The following ANKS1B variants were observed in gnomAD, a reference collection of about 807,000 sequenced individuals.
The protein encoded by ANKS1B is ankyrin repeat and sterile alpha motif domain-containing protein 1B.
Under a neutral mutation model 148.3 loss-of-function variants are expected in ANKS1B, and 36 were observed. The observed-to-expected ratio is 0.24, with a 90% CI of 0.19 to 0.32. The LOEUF (loss-of-function observed/expected upper bound fraction) is 0.32, where lower values mean the gene tolerates loss of function less well. Among genes scored for constraint, ANKS1B ranks in the 10% least tolerant of loss-of-function variants. The pLI is 1.00. For synonymous variants in ANKS1B, 542 were observed against 560.8 expected (o/e 0.97, Z 0.47); for missense variants, 1,157 against 1,542.6 (o/e 0.75, Z 4.19).
chr12:98,954,073 C>A (rs545385351), intron 17 of ANKS1B, among the ~76,000 whole-genome samples: 3 of 152,298 alleles, frequency 2.0e-5, no homozygotes, highest in African/African-American at 7.2e-5. Flanking sequence ...AGAAATGAAT[C>A]TTGGGGCTCT....
At chr12:99,955,290 C>T (rs1466453838) in intron 1 of ANKS1B, among the ~76,000 whole-genome samples, 2 of 151,932 alleles carry the variant, frequency 1.3e-5, no homozygotes, top group African/African-American at 2.4e-5. Flanking sequence ...AAGGCCTTCT[C>T]GAGACCATCC....
At chr12:99,565,748 T>C (rs2097384554) in intron 9 of ANKS1B, among the ~76,000 whole-genome samples, 1 of 152,210 alleles carries the variant, frequency 6.6e-6, no homozygotes, top group Admixed American at 6.5e-5. Flanking sequence ...GTATTGTCTC[T>C]GACCTTTTTA....
intron 8 of ANKS1B, among the ~76,000 whole-genome samples, chr12:99,728,872 A>T (rs1203607435): frequency 6.6e-6 from 1 of 152,220 alleles, no homozygotes; most frequent in East Asian, 1.9e-4. Context: ...AGGAACAGAA[A>T]ACTAACACAG....
intron 9 of ANKS1B, among the ~76,000 whole-genome samples, chr12:99,549,191 A>G (rs2097196813): frequency 6.6e-6 from 1 of 152,226 alleles, no homozygotes; most frequent in African/African-American, 2.4e-5. Context: ...GTCCAGGTAT[A>G]CTATACCTCA....
chr12:99,654,677 G>GA (rs1252257525), intron 9 of ANKS1B, among the ~76,000 whole-genome samples: 2 of 152,034 alleles, frequency 1.3e-5, no homozygotes, highest in African/African-American at 2.4e-5. Flanking sequence ...ATTGTGATGT[G>GA]AAAAATATAA....
intron 10 of ANKS1B, among the ~76,000 whole-genome samples, chr12:99,470,061 G>A (rs181565816): frequency 6.9e-4 from 105 of 151,944 alleles, no homozygotes; most frequent in African/African-American, 2.4e-3. Flanking sequence ...TTAGGCGGCC[G>A]TGAGTTATGA....
chr12:99,921,317 G>T (rs768579004), intron 1 of ANKS1B, among the ~76,000 whole-genome samples: 1 of 151,968 alleles, frequency 6.6e-6, no homozygotes. Flanking sequence ...CTCTCCTGCC[G>T]CCTTGTGAAG....
intron 8 of ANKS1B, among the ~76,000 whole-genome samples, chr12:99,763,045 G>A (rs1167575658): frequency 6.6e-6 from 1 of 152,036 alleles, no homozygotes; most frequent in Non-Finnish European, 1.5e-5. Flanking sequence ...ACTATTTGTG[G>A]GAATGTCAGT....
chr12:99,943,191 T>C (rs1269173972), intron 1 of ANKS1B, among the ~76,000 whole-genome samples: 1 of 152,172 alleles, frequency 6.6e-6, no homozygotes, highest in Non-Finnish European at 1.5e-5. Context: ...AACCCATCCT[T>C]TCTTTGGACT....
intron 17 of ANKS1B, among the ~76,000 whole-genome samples, chr12:99,034,087 A>G (rs546273419): frequency 6.6e-6 from 1 of 152,186 alleles, no homozygotes; most frequent in Non-Finnish European, 1.5e-5. Context: ...CGCTTGTTAG[A>G]GCTCACCCCA....
intron 25 of ANKS1B, among the ~76,000 whole-genome samples, chr12:98,763,192 GTAAGCCTGGTC>G (rs2098435776): frequency 2.6e-5 from 4 of 152,110 alleles, no homozygotes; most frequent in Admixed American, 1.3e-4. Flanking sequence ...AAGACCTGGG[GTAAGCCTGGTC>G]TACAACTTGC....
chr12:99,443,881 T>G, intron 10 of ANKS1B, 72 bp from the exon 11 acceptor site: 1 of 1,505,878 alleles, frequency 6.6e-7, no homozygotes, highest in Admixed American at 2.2e-5. Flanking sequence ...ATTAATTTTC[T>G]GAACATAAAT....
intron 8 of ANKS1B, among the ~76,000 whole-genome samples, chr12:99,669,939 G>C (rs1002484397): frequency 3.9e-5 from 6 of 152,012 alleles, no homozygotes; most frequent in African/African-American, 1.4e-4. Context: ...TGCCTCCTTT[G>C]TATCTTTTCT....
At chr12:98,835,274 A>C (rs1195314843) in intron 17 of ANKS1B, among the ~76,000 whole-genome samples, 1 of 151,276 alleles carries the variant, frequency 6.6e-6, no homozygotes, top group East Asian at 1.9e-4. Context: ...ATATAAAGTG[A>C]AGAAGTTAAT....
At chr12:99,949,903 AG>A (rs779496364) in intron 1 of ANKS1B, among the ~76,000 whole-genome samples, 1 of 87,702 alleles carries the variant, frequency 1.1e-5, no homozygotes, top group African/African-American at 5.8e-5. Context: ...AGTGCTTTAC[AG>A]AAAAAAAAAA....
At chr12:99,485,678 C>T (rs911681258) in intron 10 of ANKS1B, among the ~76,000 whole-genome samples, 2 of 152,106 alleles carry the variant, frequency 1.3e-5, no homozygotes, top group African/African-American at 4.8e-5. Context: ...TAGGTTTGGT[C>T]ATTTTCCATA....
At chr12:98,783,857 G>T (rs2098762041) in intron 22 of ANKS1B, among the ~76,000 whole-genome samples, 1 of 152,172 alleles carries the variant, frequency 6.6e-6, no homozygotes, top group Non-Finnish European at 1.5e-5. Context: ...TCTGGTGGTT[G>T]TTTATGAAGG....
intron 11 of ANKS1B, among the ~76,000 whole-genome samples, chr12:99,417,852 T>G (rs1436612461): frequency 6.6e-6 from 1 of 152,078 alleles, no homozygotes. Context: ...ACATATCACA[T>G]ACAAAGAAGT....
At chr12:99,849,154 C>T (rs754377185) in intron 1 of ANKS1B, among the ~76,000 whole-genome samples, 63 of 152,068 alleles carry the variant, frequency 4.1e-4, no homozygotes, top group Middle Eastern at 6.8e-3. Context: ...TGCAATATAT[C>T]TGCATATGTA....
Sources: gnomAD v4.1 joint callset for allele counts (sites outside exome capture counted in the v4.1 genomes callset) on GRCh38, gnomAD v4.1.1 for gene constraint, MANE v1.5 for transcripts, NCBI Gene and HGNC (gene_info 2026-07-23, HGNC 2026-07-21) for gene names.